Variants in LAMA3 observed in about 807,000 individuals in gnomAD.
The protein encoded by LAMA3 is laminin subunit alpha 3, also known as laminin subunit alpha-3.
LAMA3 carries 281 observed loss-of-function variants against 402.0 expected under a neutral mutation model. That is an observed-to-expected ratio of 0.70 (90% CI 0.63 to 0.77). The LOEUF (loss-of-function observed/expected upper bound fraction) is 0.77, where lower values mean the gene tolerates loss of function less well. Among genes scored for constraint, LAMA3 ranks in the 30% least tolerant of loss-of-function variants. LAMA3 has a pLI of 0.00. For missense variants in LAMA3, 3,840 were observed against 4,215.5 expected (o/e 0.91, Z 2.47); for synonymous variants, 1,431 against 1,558.4 (o/e 0.92, Z 1.93).
At chr18:23,870,207 G>A (rs1235387502) in intron 37 of LAMA3, among the ~76,000 whole-genome samples, 1 of 152,148 alleles carries the variant, frequency 6.6e-6, no homozygotes, top group African/African-American at 2.4e-5. Context: ...GGAGGCTGAG[G>A]CAGGAGAATC....
rs759176445 is a variant in LAMA3, at chr18:23,784,089, G to C, written c.1535G>C (p.Arg512Pro). 5.0e-6 allele frequency: 8 copies of C among 1,614,058 alleles called. No individual in the cohort carries two copies. Among genetic ancestry groups the C allele is most frequent in the Non-Finnish European group, 6.8e-6 (8 of 1,180,002 alleles). The change falls in exon 12 of 75, where the codon CGC becomes CCC. Residue 512 changes from arginine (R) to proline (P), a missense_variant. Coordinates refer to ENST00000313654, the MANE Select transcript of LAMA3 (RefSeq NM_198129.4). ...GATGCCCACGGACGGTGCCTGTGCC[G>C]CCCTGGGGTTGAGGGCCCTCGATGT... ...ICDAHGRCLC[R>P]PGVEGPRCDT...
chr18:23,916,461 T>C lies in LAMA3; in HGVS notation c.7779-90T>C. 3 of 1,467,666 alleles carry C rather than the reference T, an allele frequency of 2.0e-6. No individual in the cohort carries two copies. The South Asian group carries it at 3.4e-5, about 17-fold the overall frequency. The allele number at this position is 1,467,666 out of a possible 1,614,324, so 90.9% of individuals were successfully genotyped here. A position where few individuals can be genotyped will look rare whatever the true frequency, so the allele number is the denominator to read the frequency against. On this transcript the variant is annotated intron_variant, in intron 59 of 74. Transcript: ENST00000313654. Reference sequence around the variant, plus strand: ...TAGATTGCATTTTCTTGGCTCCATTTTTCAGATAGCAACATCTTGTATTAA... The same window carrying C: ...TAGATTGCATTTTCTTGGCTCCATTCTTCAGATAGCAACATCTTGTATTAA...
At chr18:23,797,277 G>A (rs903483641) in intron 12 of LAMA3, among the ~76,000 whole-genome samples, 2 of 151,828 alleles carry the variant, frequency 1.3e-5, no homozygotes, top group Admixed American at 1.3e-4. Context: ...TAGCTATTGT[G>A]ATTTTTTTTT....
Position 23,904,303 on chromosome 18 carries a change from G to A in LAMA3, c.6473+216G>A, listed in dbSNP as rs116319080. On this transcript the variant is annotated intron_variant, in intron 50 of 74. Transcript: ENST00000313654. ...ACGTCCTTTGGGCACAGCTACAGAG[G>A]CCATCACCTCAGGTATCCACTTACC... Among the ~76,000 whole-genome samples, 862 of 152,274 alleles carry A rather than the reference G, an allele frequency of 5.7e-3. 10 individuals are homozygous for A. Among genetic ancestry groups the A allele is most frequent in the African/African-American group, 0.02 (811 of 41,552 alleles).
intron 8 of LAMA3, among the ~76,000 whole-genome samples, chr18:23,772,318 G>A (rs886641555): frequency 6.6e-6 from 1 of 152,198 alleles, no homozygotes; most frequent in Admixed American, 6.5e-5. Flanking sequence ...GGGATTACAG[G>A]CGTGAGCCAC....
chr18:23,893,416 C>T (rs760825689), intron 42 of LAMA3, among the ~76,000 whole-genome samples: 1 of 152,040 alleles, frequency 6.6e-6, no homozygotes, highest in Admixed American at 6.5e-5. Flanking sequence ...AACCCCGTCT[C>T]TACTAAAAAT....
intron 9 of LAMA3, 132 bp downstream of exon 9, chr18:23,773,719 G>T (rs1164135352): frequency 4.3e-6 from 3 of 697,990 alleles, no homozygotes; most frequent in East Asian, 5.4e-5. Flanking sequence ...TGCTCGCTAT[G>T]TGACCTCAGT....
At position 23,905,632 on chromosome 18, in the gene LAMA3, G is replaced by C. The variant is rs766685951; in HGVS notation, c.6718+8G>C. The C allele has an allele frequency of 1.3e-6, 2 of 1,523,010 alleles. No individual in the cohort carries two copies. Among genetic ancestry groups the C allele is most frequent in the Non-Finnish European group, 1.8e-6 (2 of 1,098,080 alleles). 94.3% of individuals were successfully genotyped at this position (1,523,010 alleles called of 1,614,324 possible). On this transcript the variant is annotated splice_region_variant and intron_variant, in intron 52 of 74. Coordinates refer to ENST00000313654, the MANE Select transcript of LAMA3 (RefSeq NM_198129.4). ...AAAAGAAGCTAAAGCAAGGTATTAG[G>C]GGGAGTGGGCAATGGCAGGGATAGT...
At chr18:23,755,354 C>T (rs1309755989) in intron 6 of LAMA3, among the ~76,000 whole-genome samples, 1 of 152,196 alleles carries the variant, frequency 6.6e-6, no homozygotes, top group Non-Finnish European at 1.5e-5. Flanking sequence ...GTGGAGGTCT[C>T]CCCAAGCCTT....
intron 48 of LAMA3, among the ~76,000 whole-genome samples, chr18:23,901,664 T>C (rs1170434189): frequency 6.6e-6 from 1 of 152,238 alleles, no homozygotes; most frequent in Non-Finnish European, 1.5e-5. Context: ...TTTTTGGTAA[T>C]TTACTTTTTG....
At chr18:23,907,403 C>A in intron 52 of LAMA3, 147 bp from the exon 53 acceptor site, 1 of 730,026 alleles carries the variant, frequency 1.4e-6, no homozygotes, top group South Asian at 1.5e-5. Flanking sequence ...TGGGTCTGGG[C>A]ACATGCAGTG....
At chr18:23,889,109 A>G (rs1249819227) in intron 41 of LAMA3, among the ~76,000 whole-genome samples, 1 of 152,176 alleles carries the variant, frequency 6.6e-6, no homozygotes, top group Non-Finnish European at 1.5e-5. Context: ...GGCAGCAATT[A>G]GTGCAAATAT....
Position 23,813,086 on chromosome 18 carries a change from A to G in LAMA3, c.1771A>G (p.Thr591Ala). The change falls in exon 14 of 75, where the codon ACC becomes GCC. Residue 591 changes from threonine (T) to alanine (A), a missense_variant. By Grantham distance (58) the Thr-to-Ala change is moderately conservative. Around this residue, in one of 3 missense-constraint regions of LAMA3, gnomAD observed 2,109 missense variants for 2,376.0 expected, o/e 0.89. Coordinates refer to ENST00000313654, the MANE Select transcript of LAMA3 (RefSeq NM_198129.4). Reference sequence around the variant, plus strand: ...CAGCAGTGCTTGTGACCCAGCTGGTACCATCAACTCCAATTTGGTAAGTAG... The same window carrying G: ...CAGCAGTGCTTGTGACCCAGCTGGTGCCATCAACTCCAATTTGGTAAGTAG... ...GSSSACDPAG[T>A]INSNLGYCQC... 1 of 1,609,310 alleles carries G rather than the reference A, an allele frequency of 6.2e-7. No homozygotes were observed. Among genetic ancestry groups the G allele is most frequent in the Non-Finnish European group, 8.5e-7 (1 of 1,175,652 alleles).
intron 12 of LAMA3, among the ~76,000 whole-genome samples, chr18:23,789,301 C>T (rs1333039033): frequency 2.0e-5 from 3 of 152,068 alleles, no homozygotes; most frequent in East Asian, 3.8e-4. Context: ...ACCATGCTAC[C>T]CAACAGATCT....
At chr18:23,790,152 T>C (rs1002009963) in intron 12 of LAMA3, among the ~76,000 whole-genome samples, 1 of 152,220 alleles carries the variant, frequency 6.6e-6, no homozygotes, top group Non-Finnish European at 1.5e-5. Flanking sequence ...AATTCTATTG[T>C]ATTCTTTAAA....
intron 12 of LAMA3, among the ~76,000 whole-genome samples, chr18:23,785,037 G>A (rs2062515837): frequency 6.6e-6 from 1 of 152,218 alleles, no homozygotes; most frequent in Non-Finnish European, 1.5e-5. Context: ...CAATGGAATG[G>A]CTGGGTTTTA....
intron 42 of LAMA3, among the ~76,000 whole-genome samples, chr18:23,892,959 A>C (rs1224536048): frequency 1.3e-5 from 2 of 150,196 alleles, no homozygotes; most frequent in African/African-American, 4.9e-5. Flanking sequence ...ACCCATGATT[A>C]TATATAATAA....
chr18:23,818,119 C>CA (rs1019534406), intron 18 of LAMA3, among the ~76,000 whole-genome samples: 50 of 152,200 alleles, frequency 3.3e-4, no homozygotes, highest in Non-Finnish European at 6.6e-4. Context: ...AGTGCCCCTG[C>CA]ACTCCAGCCT....
At chr18:23,856,282 A>G (rs761263038) in intron 32 of LAMA3, among the ~76,000 whole-genome samples, 32 of 152,228 alleles carry the variant, frequency 2.1e-4, no homozygotes, top group Non-Finnish European at 4.3e-4. Flanking sequence ...ATGGGATATG[A>G]AGAGTCGTAT....
Sources: gnomAD v4.1 joint callset for allele counts (sites outside exome capture counted in the v4.1 genomes callset) on GRCh38, gnomAD v4.1.1 for gene constraint, gnomAD v4.1.1 regional missense constraint, MANE v1.5 for transcripts, NCBI Gene and HGNC (gene_info 2026-07-23, HGNC 2026-07-21) for gene names.